Variants in SPATA16 observed in about 807,000 individuals in gnomAD.
SPATA16 encodes spermatogenesis associated 16, also known as spermatogenesis-associated protein 16.
SPATA16 carries 36 observed loss-of-function variants against 63.3 expected under a neutral mutation model. The ratio of observed to expected loss-of-function variants is 0.57; its 90% CI spans 0.44 to 0.75. The LOEUF (loss-of-function observed/expected upper bound fraction) is 0.75, where lower values mean the gene tolerates loss of function less well. Ranked by LOEUF, SPATA16 falls within the 30% of genes least tolerant of loss-of-function variation. The pLI is 0.00. For synonymous variants in SPATA16, 203 were observed against 216.7 expected (o/e 0.94, Z 0.56); for missense variants, 646 against 679.3 (o/e 0.95, Z 0.54).
intron 10 of SPATA16, among the ~76,000 whole-genome samples, chr3:172,911,388 T>C (rs1732368968): frequency 6.6e-6 from 1 of 152,174 alleles, no homozygotes; most frequent in Admixed American, 6.5e-5. Context: ...GTAGGGTCCC[T>C]GCTCCAAGTT....
chr3:172,927,087 C>G (rs28473741), intron 6 of SPATA16, among the ~76,000 whole-genome samples: 4,718 of 152,112 alleles, frequency 0.031, 251 homozygotes, highest in African/African-American at 0.11. Flanking sequence ...CACCATTCCC[C>G]TTTTTAAGCC....
chr3:173,031,799 T>C (rs570062464), intron 3 of SPATA16, among the ~76,000 whole-genome samples: 12 of 152,224 alleles, frequency 7.9e-5, no homozygotes, highest in African/African-American at 2.9e-4. Context: ...ATAATAGTCC[T>C]CTGCTTTTAA....
intron 10 of SPATA16, among the ~76,000 whole-genome samples, chr3:172,891,505 A>C (rs1354015070): frequency 1.3e-5 from 2 of 152,182 alleles, no homozygotes; most frequent in Non-Finnish European, 2.9e-5. Context: ...CCTGTGCTTT[A>C]ATCCATCTCA....
chr3:173,126,263 G>T (rs1738225312), intron 1 of SPATA16, among the ~76,000 whole-genome samples: 2 of 152,130 alleles, frequency 1.3e-5, no homozygotes, highest in Admixed American at 1.3e-4. Context: ...TATAAGTGTG[G>T]TCCATGAGGA....
chr3:172,913,754 C>T lies in SPATA16; in HGVS notation c.1504-10G>A. 6.2e-7 allele frequency: 1 copy of T among 1,611,572 alleles called. No individual in the cohort carries two copies. Among genetic ancestry groups the T allele is most frequent in the Non-Finnish European group, 8.5e-7 (1 of 1,178,126 alleles). ...CCATTAGTGACTGCAGCTGTGGCAC[C>T]AAGATAAAAATTATCAGTGTGGAAT... On this transcript the variant is annotated splice_polypyrimidine_tract_variant and intron_variant, in intron 9 of 10. Transcript: ENST00000351008.
chr3:173,070,543 A>ATAC (rs960832954), intron 2 of SPATA16, among the ~76,000 whole-genome samples: 14 of 152,320 alleles, frequency 9.2e-5, no homozygotes, highest in African/African-American at 3.1e-4. Flanking sequence ...GTTGCATGTG[A>ATAC]TACAATCTTA....
chr3:172,936,682 C>CTTTATTTATTTATTTAATTATTT (rs1260763452), intron 6 of SPATA16, among the ~76,000 whole-genome samples: 2 of 151,810 alleles, frequency 1.3e-5, no homozygotes, highest in East Asian at 3.9e-4. Flanking sequence ...AGGCCTGGGA[C>CTTTATTTATTTATTTAATTATTT]TTTATTTATT....
intron 2 of SPATA16, among the ~76,000 whole-genome samples, chr3:173,081,518 A>T (rs1736922015): frequency 6.6e-6 from 1 of 152,184 alleles, no homozygotes; most frequent in Non-Finnish European, 1.5e-5. Context: ...ACTTCCATTG[A>T]ATCGTTAAAG....
At chr3:173,131,713 C>T (rs1386740280) in intron 1 of SPATA16, among the ~76,000 whole-genome samples, 1 of 152,144 alleles carries the variant, frequency 6.6e-6, no homozygotes, top group Non-Finnish European at 1.5e-5. Flanking sequence ...AGCACACTTT[C>T]AGCTGAAACT....
At chr3:173,113,821 T>C (rs938418058) in intron 2 of SPATA16, among the ~76,000 whole-genome samples, 1 of 152,198 alleles carries the variant, frequency 6.6e-6, no homozygotes, top group African/African-American at 2.4e-5. Flanking sequence ...TGGTCTCACC[T>C]TTAACCACAA....
chr3:172,998,926 G>A (rs190786151), intron 4 of SPATA16, among the ~76,000 whole-genome samples: 46 of 151,884 alleles, frequency 3.0e-4, no homozygotes, highest in Admixed American at 1.2e-3. Context: ...TTCTTTTTAC[G>A]TATTATTGGA....
chr3:173,138,880 A>C (rs1345892521), intron 1 of SPATA16, among the ~76,000 whole-genome samples: 1 of 152,248 alleles, frequency 6.6e-6, no homozygotes, highest in East Asian at 1.9e-4. Flanking sequence ...TTCAGAATAG[A>C]TGTACATAGG....
At chr3:172,919,526 T>A (rs6779269) in intron 8 of SPATA16, among the ~76,000 whole-genome samples, 2,904 of 152,270 alleles carry the variant, frequency 0.019, 30 homozygotes, top group Middle Eastern at 0.058. Context: ...GTCTGACACA[T>A]AGAAACCTCT....
chr3:173,064,320 C>CAAAAAAAAAAAAAA (rs59773490), intron 2 of SPATA16, among the ~76,000 whole-genome samples: 5 of 57,640 alleles, frequency 8.7e-5, no homozygotes, highest in East Asian at 5.2e-4. Flanking sequence ...ACACGCACAC[C>CAAAAAAAAAAAAAA]AAAAAAAAAA....
At chr3:173,091,029 C>T (rs962383190) in intron 2 of SPATA16, among the ~76,000 whole-genome samples, 2 of 151,226 alleles carry the variant, frequency 1.3e-5, no homozygotes, top group Non-Finnish European at 3.0e-5. Context: ...ACTCACCTTA[C>T]ATATTACAGC....
At position 172,916,328 on chromosome 3, in the gene SPATA16, C is replaced by T. The variant is rs146640459; in HGVS notation, c.1492G>A (p.Glu498Lys). The T allele has an allele frequency of 1.2e-6, 2 of 1,613,272 alleles. No homozygotes were observed. The highest frequency in any genetic ancestry group is 1.7e-6 in the Non-Finnish European group (2 of 1,179,564). The change falls in exon 9 of 11, where the codon GAG becomes AAG. Residue 498 changes from glutamate (E) to lysine (K), a missense_variant. By Grantham distance (56) the Glu-to-Lys change is moderately conservative. Transcript: ENST00000351008. ...IPYLQDISQQ[E>K]AELLQSLMAD... ...AGAAAAATACTTACCAATTCTGCCT[C>T]CTGTTGACTGATGTCCTGTAGGTAG...
chr3:173,063,000 C>T (rs28663511), intron 2 of SPATA16, among the ~76,000 whole-genome samples: 4,117 of 152,244 alleles, frequency 0.027, 179 homozygotes, highest in African/African-American at 0.091. Flanking sequence ...TCCTGCTGTG[C>T]GGCCCTGTTC....
At chr3:172,930,788 G>A (rs1259037236) in intron 6 of SPATA16, among the ~76,000 whole-genome samples, 7 of 151,364 alleles carry the variant, frequency 4.6e-5, no homozygotes, top group African/African-American at 9.7e-5. Flanking sequence ...TCCTGACCTC[G>A]TGATCCACCC....
chr3:172,994,024 TA>T (rs1734642200), intron 4 of SPATA16, among the ~76,000 whole-genome samples: 1 of 152,314 alleles, frequency 6.6e-6, no homozygotes, highest in South Asian at 2.1e-4. Context: ...AACTTTTCAT[TA>T]CAGAGTCTGG....
Sources: allele counts gnomAD v4.1 joint callset (sites outside exome capture counted in the v4.1 genomes callset), GRCh38; gene constraint gnomAD v4.1.1; transcripts MANE v1.5; gene names NCBI Gene and HGNC (gene_info 2026-07-23, HGNC 2026-07-21).